MICAL2: variants seen among roughly 807,000 people sequenced by gnomAD.
MICAL2 encodes the protein microtubule associated monooxygenase, calponin and LIM domain containing 2, also known as [F-actin]-monooxygenase MICAL2.
Under a neutral mutation model 127.3 loss-of-function variants are expected in MICAL2, and 77 were observed. That is an observed-to-expected ratio of 0.60 (90% CI 0.50 to 0.73). MICAL2 has a LOEUF of 0.73. Ranked by LOEUF, MICAL2 falls within the 30% of genes least tolerant of loss-of-function variation. The pLI, the probability that MICAL2 is intolerant of heterozygous loss-of-function variation, is 0.00. For missense variants in MICAL2, 1,351 were observed against 1,434.4 expected (o/e 0.94, Z 0.94); for synonymous variants, 570 against 551.1 (o/e 1.03, Z -0.48).
At chr11:12,255,796 G>A (rs1380690368) in intron 23 of MICAL2, 46 bp downstream of exon 23, 3 of 1,502,714 alleles carry the variant, frequency 2.0e-6, no homozygotes, top group South Asian at 1.2e-5. Context: ...ACTGGCTCTG[G>A]CATCCCAGGG....
rs540156112 is a variant in MICAL2, at chr11:12,224,591, T to G, written c.1541-82T>G. ...GGCCGCTCGTCCTGGTCCCCAGCCA[T>G]GGTGGCAATGAGAAGGGAGCGCCAG... On this transcript the variant is annotated intron_variant, in intron 12 of 27. Coordinates refer to ENST00000683283, the MANE Select transcript of MICAL2 (RefSeq NM_001282663.2). 1.4e-4 allele frequency: 210 copies of G among 1,540,376 alleles called. 2 individuals carry two copies. The East Asian group carries it at 4.3e-3, about 32-fold the overall frequency.
intron 2 of MICAL2, among the ~76,000 whole-genome samples, chr11:12,282,356 G>T (rs1863781777): frequency 6.6e-6 from 1 of 152,126 alleles, no homozygotes; most frequent in Admixed American, 6.5e-5. Context: ...TGGCCTTGGT[G>T]TACCCTTCCA....
intron 16 of MICAL2, 94 bp from the exon 17 acceptor site, chr11:12,239,342 G>T: frequency 6.5e-7 from 1 of 1,548,354 alleles, no homozygotes; most frequent in South Asian, 1.1e-5. Flanking sequence ...GCCCTTCTGC[G>T]GGAAGCTAGT....
chr11:12,351,430 A>T (rs1213472330), intron 33 of MICAL2, among the ~76,000 whole-genome samples: 1 of 152,156 alleles, frequency 6.6e-6, no homozygotes, highest in African/African-American at 2.4e-5. Flanking sequence ...GAGGCCAAGG[A>T]TGCTACTAAA....
At chr11:12,249,718 T>G (rs946157490) in intron 22 of MICAL2, among the ~76,000 whole-genome samples, 12 of 152,224 alleles carry the variant, frequency 7.9e-5, no homozygotes, top group Non-Finnish European at 1.8e-4. Flanking sequence ...GTGGGCTTGC[T>G]CGATGCTCCT....
intron 29 of MICAL2, among the ~76,000 whole-genome samples, chr11:12,305,370 C>G (rs1192575107): frequency 2.6e-5 from 4 of 152,188 alleles, no homozygotes; most frequent in East Asian, 1.9e-4. Context: ...GGAGACCACC[C>G]CCAAAATCCA....
chr11:12,226,116 C>G, intron 13 of MICAL2, 55 bp from the exon 14 acceptor site: 2 of 1,574,726 alleles, frequency 1.3e-6, no homozygotes, highest in Non-Finnish European at 1.7e-6. Context: ...GTGCTCAGCT[C>G]GCCACACCTC....
chr11:12,210,051 G>A (rs1349946116), intron 6 of MICAL2, among the ~76,000 whole-genome samples: 2 of 152,124 alleles, frequency 1.3e-5, no homozygotes, highest in South Asian at 2.1e-4. Flanking sequence ...TTACTTTCAA[G>A]TGTAATATTA....
intron 22 of MICAL2, chr11:12,253,879 A>G (rs964570743): frequency 1.3e-5 from 2 of 152,218 alleles, no homozygotes; most frequent in Non-Finnish European, 2.9e-5. Flanking sequence ...TATGAAGGGC[A>G]TGATCGATTA....
intron 29 of MICAL2, among the ~76,000 whole-genome samples, chr11:12,301,022 G>A (rs1300256808): frequency 1.3e-5 from 2 of 152,174 alleles, no homozygotes; most frequent in Admixed American, 1.3e-4. Flanking sequence ...AGTTCCACAT[G>A]GCTGGGGAGG....
intron 1 of MICAL2, among the ~76,000 whole-genome samples, chr11:12,114,194 T>C (rs1849818613): frequency 6.6e-6 from 1 of 152,254 alleles, no homozygotes; most frequent in South Asian, 2.1e-4. Context: ...CCTTCCCCTC[T>C]GAAAGGAATA....
chr11:12,111,738 A>T (rs1253857283), intron 1 of MICAL2, among the ~76,000 whole-genome samples: 1 of 152,204 alleles, frequency 6.6e-6, no homozygotes, highest in East Asian at 1.9e-4. Context: ...GGATGAAGTC[A>T]CCAGCCAGGC....
At chr11:12,112,211 T>C (rs1589946635) in intron 1 of MICAL2, among the ~76,000 whole-genome samples, 1 of 152,168 alleles carries the variant, frequency 6.6e-6, no homozygotes, top group African/African-American at 2.4e-5. Context: ...TGCAGGACCA[T>C]GGCCCCACAG....
chr11:12,165,514 C>T (rs919097497), intron 3 of MICAL2, among the ~76,000 whole-genome samples: 4 of 152,260 alleles, frequency 2.6e-5, no homozygotes, highest in African/African-American at 9.6e-5. Context: ...TGTCAGGTAC[C>T]AGGCATAAAG....
intron 29 of MICAL2, among the ~76,000 whole-genome samples, chr11:12,305,418 C>T (rs1864097443): frequency 6.6e-6 from 1 of 152,174 alleles, no homozygotes; most frequent in African/African-American, 2.4e-5. Flanking sequence ...ACAGGTCCTT[C>T]CTCTGACACT....
At chr11:12,209,311 C>T (rs956713093) in intron 5 of MICAL2, among the ~76,000 whole-genome samples, 186 bp from the exon 6 acceptor site, 2 of 152,192 alleles carry the variant, frequency 1.3e-5, no homozygotes, top group Non-Finnish European at 2.9e-5. Context: ...ATTGAACTGA[C>T]ACTCAGGTCA....
At chr11:12,288,288 TC>T (rs1863852271), downstream of MICAL2, among the ~76,000 whole-genome samples, 1 of 152,194 alleles carries the variant, frequency 6.6e-6, no homozygotes, top group African/African-American at 2.4e-5. Context: ...CCTCCCCAAG[TC>T]CCTGGAAGCC....
chr11:12,181,018 C>T (rs542478009), intron 3 of MICAL2, among the ~76,000 whole-genome samples: 5 of 150,740 alleles, frequency 3.3e-5, no homozygotes, highest in African/African-American at 4.9e-5. Context: ...ATCTCCGCCC[C>T]GCCACACCCC....
intron 33 of MICAL2, among the ~76,000 whole-genome samples, chr11:12,352,288 T>C (rs1254221327): frequency 1.3e-5 from 2 of 152,242 alleles, no homozygotes; most frequent in Non-Finnish European, 2.9e-5. Flanking sequence ...CACCAGGGAC[T>C]ATGCTGGGTT....
Sources: gnomAD v4.1 joint callset for allele counts (sites outside exome capture counted in the v4.1 genomes callset) on GRCh38, gnomAD v4.1.1 for gene constraint, MANE v1.5 for transcripts, NCBI Gene and HGNC (gene_info 2026-07-23, HGNC 2026-07-21) for gene names.